The following TTC7A variants were observed in gnomAD, a reference collection of about 807,000 sequenced individuals.
TTC7A encodes tetratricopeptide repeat protein 7A.
TTC7A carries 110 observed loss-of-function variants against 103.7 expected under a neutral mutation model. The ratio of observed to expected loss-of-function variants is 1.06; its 90% confidence interval spans 0.91 to 1.24. TTC7A has a LOEUF of 1.24. TTC7A is among the 50% of genes most tolerant of loss of function. The probability of loss-of-function intolerance (pLI) is 0.00; values close to 1 mark genes in which losing one functional copy is unlikely to be tolerated. For missense variants in TTC7A, 1,340 were observed against 1,116.3 expected, an observed-to-expected ratio of 1.20 and a Z score of -2.86; for synonymous variants, 521 against 467.9, an observed-to-expected ratio of 1.11 and a Z score of -1.47.
chr2:47,000,310 T>C (rs2104420874), intron 8 of TTC7A, among the ~76,000 whole-genome samples: 1 of 151,122 alleles, frequency 6.6e-6, no homozygotes, highest in Non-Finnish European at 1.5e-5. Flanking sequence ...ATTCAGCAGA[T>C]GAGCACAGAT....
intron 15 of TTC7A, among the ~76,000 whole-genome samples, chr2:47,030,518 A>G (rs1004344753): frequency 1.3e-5 from 2 of 152,128 alleles, no homozygotes; most frequent in East Asian, 1.9e-4. Context: ...CTTCTCCCCA[A>G]AGCTAAAGAA....
chr2:47,022,183 C>G (rs1383104650), intron 12 of TTC7A, among the ~76,000 whole-genome samples: 1 of 152,168 alleles, frequency 6.6e-6, no homozygotes, highest in African/African-American at 2.4e-5. Context: ...TCCACTGTTT[C>G]CCCCAGACTG....
intron 5 of TTC7A, among the ~76,000 whole-genome samples, chr2:46,985,899 G>A (rs1674961542): frequency 6.6e-6 from 1 of 152,298 alleles, no homozygotes; most frequent in Non-Finnish European, 1.5e-5. Flanking sequence ...CAGTACTGCT[G>A]ATATTTTGAG....
intron 1 of TTC7A, among the ~76,000 whole-genome samples, chr2:46,944,308 A>G (rs994146202): frequency 6.6e-6 from 1 of 151,164 alleles, no homozygotes; most frequent in East Asian, 1.9e-4. Flanking sequence ...GCTATGCTCA[A>G]CCCTTTTCCT....
chr2:47,049,318 G>A (rs986584509), intron 16 of TTC7A, among the ~76,000 whole-genome samples: 4 of 152,104 alleles, frequency 2.6e-5, no homozygotes, highest in Middle Eastern at 3.4e-3. Context: ...CTGGCTCCCC[G>A]CTGCCCCCAC....
chr2:47,053,187 T>G (rs1352082350), intron 18 of TTC7A, among the ~76,000 whole-genome samples: 1 of 152,164 alleles, frequency 6.6e-6, no homozygotes, highest in Non-Finnish European at 1.5e-5. Context: ...GGGCGGAGGC[T>G]GCACTTGCTC....
At chr2:47,045,818 C>A (rs1033293839) in intron 15 of TTC7A, among the ~76,000 whole-genome samples, 1 of 152,212 alleles carries the variant, frequency 6.6e-6, no homozygotes, top group African/African-American at 2.4e-5. Flanking sequence ...CCTTAGGGGA[C>A]CTCCTTGCCA....
Position 47,074,610 on chromosome 2 carries a change from C to T in TTC7A, c.*687C>T, listed in dbSNP as rs925415110. The T allele has an allele frequency of 4.0e-5, 6 of 150,820 alleles. No individual in the cohort carries two copies. The highest frequency in any genetic ancestry group is 1.0e-4 in the African/African-American group (4 of 39,562). The allele number at this position is 150,820 out of a possible 1,614,324, so 9.3% of individuals were successfully genotyped here. Reference sequence around the variant, plus strand: ...GCTTTAGATCCTGTGGTTGCTAGATCCAGTCCTTTCTAATACCCTGAGTCA... The same window carrying T: ...GCTTTAGATCCTGTGGTTGCTAGATTCAGTCCTTTCTAATACCCTGAGTCA... On this transcript the variant is annotated 3_prime_UTR_variant, in exon 20 of 20. Transcript: ENST00000319190.
intron 19 of TTC7A, chr2:47,068,748 T>C (rs1227431033): frequency 6.6e-6 from 1 of 150,628 alleles, no homozygotes; most frequent in Non-Finnish European, 1.5e-5. Context: ...AACCTTAAGC[T>C]GATATAGGCT....
At chr2:47,021,802 A>G (rs1679315917) in intron 11 of TTC7A, 60 bp from the exon 12 acceptor site, 1 of 1,362,986 alleles carries the variant, frequency 7.3e-7, no homozygotes, top group African/African-American at 1.4e-5. Flanking sequence ...CCAGGGAGTC[A>G]TTCACTGGTA....
At chr2:46,958,420 T>A in intron 3 of TTC7A, 1 of 1,198,730 alleles carries the variant, frequency 8.3e-7, no homozygotes, top group Non-Finnish European at 1.1e-6. Flanking sequence ...TTCCTCGGGC[T>A]TCCTTTCCGG....
chr2:46,990,979 T>C (rs58637066), intron 5 of TTC7A, among the ~76,000 whole-genome samples: 25,564 of 151,982 alleles, frequency 0.17, 2,356 homozygotes, highest in Admixed American at 0.19. Flanking sequence ...GTGATGCGAT[T>C]TCAGCTCACT....
At chr2:46,978,723 T>G (rs1674123141) in intron 4 of TTC7A, 69 bp from the exon 5 acceptor site, 1 of 1,270,314 alleles carries the variant, frequency 7.9e-7, no homozygotes, top group South Asian at 1.2e-5. Flanking sequence ...TGAGGCCACC[T>G]CCTCTTGCTG....
At chr2:46,932,860 C>T (rs1669782335) in intron 2 of TTC7A, among the ~76,000 whole-genome samples, 1 of 147,658 alleles carries the variant, frequency 6.8e-6, no homozygotes, top group Admixed American at 6.8e-5. Context: ...CAGATCGCAC[C>T]ACTGCACTCC....
intron 14 of TTC7A, among the ~76,000 whole-genome samples, chr2:47,026,543 AG>A (rs1242514878): frequency 6.6e-6 from 1 of 152,208 alleles, no homozygotes; most frequent in Admixed American, 6.5e-5. Flanking sequence ...GGCAAGGAGC[AG>A]GACTCTTAAA....
Position 47,034,836 on chromosome 2 carries a change from G to T in TTC7A, c.1802+5452G>T, listed in dbSNP as rs189428092. 2.3e-3 allele frequency among the ~76,000 whole-genome samples: 351 copies of T among 152,278 alleles called. 1 individual carries two copies. Among genetic ancestry groups the T allele is most frequent in the Non-Finnish European group, 3.6e-3 (248 of 68,016 alleles). On this transcript the variant is annotated intron_variant, in intron 15 of 19. Transcript: ENST00000319190. ...CCCGGGGGACTTGGAAAGTCCTGGGGGAAGCTTTCAGAGCCCCGGAGACCC... is the reference window on the plus strand; with the variant it reads ...CCCGGGGGACTTGGAAAGTCCTGGGTGAAGCTTTCAGAGCCCCGGAGACCC...
At chr2:47,047,894 C>A (rs552280170) in intron 16 of TTC7A, among the ~76,000 whole-genome samples, 2 of 152,304 alleles carry the variant, frequency 1.3e-5, no homozygotes, top group Non-Finnish European at 2.9e-5. Context: ...AAGAATCCTC[C>A]CTGTCTCCTG....
intron 19 of TTC7A, among the ~76,000 whole-genome samples, chr2:47,061,768 A>G (rs1438856564): frequency 9.2e-5 from 14 of 152,354 alleles, no homozygotes; most frequent in South Asian, 4.1e-4. Flanking sequence ...ACTAGACCCT[A>G]TAGATTATCA....
In TTC7A at chr2:47,014,903, GA is replaced by G. The variant is rs771101666; in HGVS notation, c.1392+3469del. Among the ~76,000 whole-genome samples, 6 of 152,382 alleles carry G rather than the reference GA, an allele frequency of 3.9e-5. No individual in the cohort carries two copies. The East Asian group carries it at 9.6e-4, about 24-fold the overall frequency. On this transcript the variant is annotated intron_variant, in intron 11 of 19. Transcript: ENST00000319190. ...TTCCCACATCCTGTCCTCATGCCCA[GA>G]GCCACTGTTGGACACCCCATACCGG...
Sources: allele counts gnomAD v4.1 joint callset (sites outside exome capture counted in the v4.1 genomes callset), GRCh38; gene constraint gnomAD v4.1.1; transcripts MANE v1.5; gene names NCBI Gene and HGNC (gene_info 2026-07-23, HGNC 2026-07-21).